Variants in ZNF436 observed in about 807,000 individuals in gnomAD.
ZNF436 encodes DNA-binding protein.
Under a neutral mutation model 41.9 loss-of-function variants are expected in ZNF436, and 22 were observed. The observed-to-expected ratio is 0.53, with a 90% CI of 0.38 to 0.75. ZNF436 has a LOEUF of 0.75. Among genes scored for constraint, ZNF436 ranks in the 30% least tolerant of loss-of-function variants. The probability of loss-of-function intolerance (pLI) is 0.00; values close to 1 mark genes in which losing one functional copy is unlikely to be tolerated. For missense variants in ZNF436, 506 were observed against 587.3 expected (o/e 0.86, Z 1.43); for synonymous variants, 217 against 197.8 (o/e 1.10, Z -0.82).
In ZNF436 at chr1:23,361,890, T is replaced by G; in HGVS notation, c.*79A>C. The G allele has an allele frequency of 2.1e-6, 3 of 1,416,524 alleles. No individual in the cohort carries two copies. The highest frequency in any genetic ancestry group is 1.9e-6 in the Non-Finnish European group (2 of 1,053,650). The allele number at this position is 1,416,524 out of a possible 1,614,324, so 87.7% of individuals were successfully genotyped here. A position where few individuals can be genotyped will look rare whatever the true frequency, so the allele number is the denominator to read the frequency against. Reference sequence around the variant, plus strand: ...ACTAGGAGAGTATGATAAAAGCAGCTCAGTCTTGAGGGCGTTCATTGATAT... The same window carrying G: ...ACTAGGAGAGTATGATAAAAGCAGCGCAGTCTTGAGGGCGTTCATTGATAT... On this transcript the variant is annotated 3_prime_UTR_variant, in exon 4 of 4. Coordinates refer to ENST00000314011, the MANE Select transcript of ZNF436 (RefSeq NM_001077195.2).
chr1:23,363,940 G>A (rs1257207033), intron 3 of ZNF436, among the ~76,000 whole-genome samples: 4 of 152,122 alleles, frequency 2.6e-5, no homozygotes, highest in Non-Finnish European at 5.9e-5. Context: ...TACTCAGGAG[G>A]CTGAGGTAAG....
At chr1:23,368,800 A>G (rs769278976) in intron 1 of ZNF436, among the ~76,000 whole-genome samples, 1 of 152,086 alleles carries the variant, frequency 6.6e-6, no homozygotes, top group Non-Finnish European at 1.5e-5. Context: ...GCTTGACAGC[A>G]CAGGCTGGAG....
chr1:23,366,911 G>A (rs1638371360), intron 3 of ZNF436, 131 bp downstream of exon 3: 3 of 1,014,246 alleles, frequency 3.0e-6, no homozygotes, highest in Non-Finnish European at 4.3e-6. Context: ...ATCTGCCTGA[G>A]GACTCAAGTC....
rs200024203 is a variant in ZNF436 at position 23,362,513 on chromosome 1, C to T, written c.869G>A (p.Arg290Lys). The change falls in exon 4 of 4, where the codon AGA becomes AAA. Residue 290 changes from arginine (R) to lysine (K), a missense_variant. Physicochemically the swap from Arg to Lys is conservative, Grantham distance 26. Coordinates refer to ENST00000314011, the MANE Select transcript of ZNF436 (RefSeq NM_001077195.2). ...TCGATAGTGTTTGATGAGATCAGAT[C>T]TCTCACTGAAGCCTCGGCCACATTC... Reference protein sequence around the residue: ...CNECGRGFSERSDLIKHYRVH... With the variant: ...CNECGRGFSEKSDLIKHYRVH... 1.2e-6 allele frequency: 2 copies of T among 1,614,072 alleles called. No individual in the cohort carries two copies. Among genetic ancestry groups the T allele is most frequent in the African/African-American group, 2.7e-5 (2 of 74,976 alleles).
At chr1:23,368,196 C>T in intron 1 of ZNF436, 131 bp from the exon 2 acceptor site, 1 of 615,750 alleles carries the variant, frequency 1.6e-6, no homozygotes. Flanking sequence ...CTCCCTGACC[C>T]TCGAGCGCGA....
At chr1:23,367,415 C>T (rs527528241) in intron 2 of ZNF436, among the ~76,000 whole-genome samples, 3 of 152,220 alleles carry the variant, frequency 2.0e-5, no homozygotes, top group African/African-American at 4.8e-5. Flanking sequence ...TTTCTCAGGA[C>T]ATATCTGGCA....
chr1:23,368,271 C>T (rs895051400), intron 1 of ZNF436: 4 of 478,900 alleles, frequency 8.4e-6, no homozygotes, highest in Non-Finnish European at 1.5e-5. Context: ...GGACAGCCCC[C>T]TGGCTGGGTC....
chr1:23,365,556 A>G (rs1638340793), intron 3 of ZNF436, among the ~76,000 whole-genome samples: 1 of 151,910 alleles, frequency 6.6e-6, no homozygotes, highest in African/African-American at 2.4e-5. Flanking sequence ...TCCACTAAAA[A>G]TACAAAAATT....
intron 1 of ZNF436, 35 bp from the exon 2 acceptor site, chr1:23,368,100 A>T (rs1638402937): frequency 3.5e-6 from 5 of 1,424,530 alleles, no homozygotes; most frequent in Admixed American, 1.8e-5. Flanking sequence ...TGAGGCACGG[A>T]AAACAGGCCC....
At chr1:23,365,617 G>A (rs1298751438) in intron 3 of ZNF436, among the ~76,000 whole-genome samples, 1 of 151,758 alleles carries the variant, frequency 6.6e-6, no homozygotes. Context: ...GGGAGGCTGA[G>A]GCAGGAGAAT....
At position 23,367,091 on chromosome 1, in the gene ZNF436, G is replaced by T. The variant is rs760178235; in HGVS notation, c.111C>A (p.Asp37Glu). ...TCTCCTGCATAACATCCCGGTAAAGGTCCCTCTGTGCAGCGTCCAGAGGTC... is the reference window on the plus strand; with the variant it reads ...TCTCCTGCATAACATCCCGGTAAAGTTCCCTCTGTGCAGCGTCCAGAGGTC... ...EWRPLDAAQRDLYRDVMQENY... is the reference protein window; with the variant it reads ...EWRPLDAAQRELYRDVMQENY... The change falls in exon 3 of 4, where the codon GAC becomes GAA. Residue 37 changes from aspartate to glutamate, a missense_variant. Physicochemically the swap from Asp to Glu is conservative, Grantham distance 45. Coordinates refer to ENST00000314011, the MANE Select transcript of ZNF436 (RefSeq NM_001077195.2). 6.2e-7 allele frequency: 1 copy of T among 1,613,872 alleles called. No individual in the cohort carries two copies. Among genetic ancestry groups the T allele is most frequent in the Non-Finnish European group, 8.5e-7 (1 of 1,179,876 alleles).
At position 23,367,830 on chromosome 1, in the gene ZNF436, T is replaced by C. The variant is rs945121687; in HGVS notation, c.33+143A>G. Reference sequence around the variant, plus strand: ...ATGTTTGTTTGTGACTATACTGGCCTGGTACTAGGCCCCTGGAGGCAGAAT... The same window carrying C: ...ATGTTTGTTTGTGACTATACTGGCCCGGTACTAGGCCCCTGGAGGCAGAAT... On this transcript the variant is annotated intron_variant, in intron 2 of 3. Transcript: ENST00000314011. 1.9e-5 allele frequency: 16 copies of C among 838,214 alleles called. No individual in the cohort carries two copies. The African/African-American group carries it at 2.6e-4, about 13-fold the overall frequency. The allele number at this position is 838,214 out of a possible 1,614,324, so 51.9% of individuals were successfully genotyped here. A position where few individuals can be genotyped will look rare whatever the true frequency, so the allele number is the denominator to read the frequency against.
chr1:23,362,592 G>C lies in ZNF436; in HGVS notation c.790C>G (p.His264Asp). The change falls in exon 4 of 4, where the codon CAC becomes GAC. Residue 264 changes from histidine to aspartate, a missense_variant. His to Asp is a moderately conservative substitution (Grantham distance 81, BLOSUM62 -1). Coordinates refer to ENST00000314011, the MANE Select transcript of ZNF436 (RefSeq NM_001077195.2). ...TGGGTCCTCTGGTGCTGAGCTAGGT[G>C]AGAGCTCCGGCTGAAGCTTTTCCCA... ...ECGKSFSRSS[H>D]LAQHQRTHTG... The C allele has an allele frequency of 6.2e-7, 1 of 1,613,972 alleles. No homozygotes were observed. Among genetic ancestry groups the C allele is most frequent in the Non-Finnish European group, 8.5e-7 (1 of 1,179,902 alleles).
Position 23,369,805 on chromosome 1 carries a change from C to T in ZNF436, c.-500G>A, listed in dbSNP as rs1638467004. On this transcript the variant is annotated 5_prime_UTR_variant, in exon 1 of 4. Transcript: ENST00000314011. ...AGCAGGCATTCTGCGTGGGGAAGAG[C>T]TCCCAGCTCGCTGTAGCCTTGGAGA... 3.9e-5 allele frequency: 13 copies of T among 332,008 alleles called. No homozygotes were observed. The highest frequency in any genetic ancestry group is 2.7e-4 in the South Asian group (11 of 41,060). 20.6% of individuals were successfully genotyped at this position (332,008 alleles called of 1,614,324 possible).
At chr1:23,369,253 AG>A (rs1191742502) in intron 1 of ZNF436, 112 bp downstream of exon 1, 17 of 443,536 alleles carry the variant, frequency 3.8e-5, no homozygotes, top group Admixed American at 3.8e-4. Flanking sequence ...CCCGCACCGA[AG>A]GGACCCTGGG....
intron 2 of ZNF436, 99 bp downstream of exon 2, chr1:23,367,874 C>G: frequency 7.2e-7 from 1 of 1,397,866 alleles, no homozygotes; most frequent in Non-Finnish European, 1.0e-6. Flanking sequence ...CAGCGAATTA[C>G]TAATCCCAGG....
At chr1:23,365,288 C>G (rs1245629729) in intron 3 of ZNF436, among the ~76,000 whole-genome samples, 1 of 151,176 alleles carries the variant, frequency 6.6e-6, no homozygotes, top group Non-Finnish European at 1.5e-5. Context: ...CCCAGCTACT[C>G]AGGAGGCTAA....
At position 23,362,864 on chromosome 1, in the gene ZNF436, T is replaced by C; in HGVS notation, c.518A>G (p.Lys173Arg). 6.2e-7 allele frequency: 1 copy of C among 1,614,234 alleles called. No individual in the cohort carries two copies. Among genetic ancestry groups the C allele is most frequent in the African/African-American group, 1.3e-5 (1 of 75,048 alleles). Residue 173 changes from lysine (K) to arginine (R), a missense_variant, in exon 4 of 4, where the codon AAA becomes AGA. Around this residue, in one of 2 missense-constraint regions of ZNF436, gnomAD observed 228 missense variants for 215.1 expected, o/e 1.06. Transcript: ENST00000314011. Reference sequence around the variant, plus strand: ...AAGGTGTGAGCTGCGACTGAAGCCTTTTCCACATTCATAACATTTATAGGG... The same window carrying C: ...AAGGTGTGAGCTGCGACTGAAGCCTCTTCCACATTCATAACATTTATAGGG... ...DRPYKCYECG[K>R]GFSRSSHLIQ... is the part of the protein sequence containing the mutation.
Position 23,361,940 on chromosome 1 carries a change from A to C in ZNF436, c.*29T>G, listed in dbSNP as rs1212424838. The C allele has an allele frequency of 6.5e-7, 1 of 1,543,626 alleles. No individual in the cohort carries two copies. Among genetic ancestry groups the C allele is most frequent in the Admixed American group, 2.1e-5 (1 of 48,384 alleles). ...TCAAATAAAATTGTATCTTCAAATGAATCATTTCTCAGCCATCATAATTAC... is the reference window on the plus strand; with the variant it reads ...TCAAATAAAATTGTATCTTCAAATGCATCATTTCTCAGCCATCATAATTAC... On this transcript the variant is annotated 3_prime_UTR_variant, in exon 4 of 4. Transcript: ENST00000314011.
Sources: allele counts gnomAD v4.1 joint callset (sites outside exome capture counted in the v4.1 genomes callset), GRCh38; gene constraint gnomAD v4.1.1; regional missense constraint gnomAD v4.1.1; transcripts MANE v1.5; gene names NCBI Gene and HGNC (gene_info 2026-07-23, HGNC 2026-07-21).